The following WWOX variants were observed in gnomAD, a reference collection of about 807,000 sequenced individuals.
WWOX encodes the protein WW domain containing oxidoreductase.
In WWOX, 69 loss-of-function variants were observed where a neutral mutation model predicts 46.2. The observed-to-expected ratio is 1.49, with a 90% CI of 1.23 to 1.82. WWOX has a LOEUF of 1.82. WWOX is among the 40% of genes most tolerant of loss of function. WWOX has a pLI of 0.00. For synonymous variants in WWOX, 359 were observed against 202.6 expected (o/e 1.77, Z -6.56); for missense variants, 919 against 542.6 (o/e 1.69, Z -6.89).
chr16:79,070,383 C>G (rs1332545302), intron 8 of WWOX, among the ~76,000 whole-genome samples: 2 of 152,074 alleles, frequency 1.3e-5, no homozygotes, highest in Admixed American at 1.3e-4. Flanking sequence ...AAAGTGTCCT[C>G]CAGCAAAATG....
intron 8 of WWOX, among the ~76,000 whole-genome samples, chr16:78,581,870 C>A (rs561766972): frequency 2.4e-4 from 37 of 152,094 alleles, no homozygotes; most frequent in Non-Finnish European, 4.9e-4. Context: ...TCGGGTTTGT[C>A]ATCCTCTATT....
intron 8 of WWOX, among the ~76,000 whole-genome samples, chr16:78,789,585 T>G (rs964659961): frequency 1.3e-5 from 2 of 152,188 alleles, no homozygotes; most frequent in Non-Finnish European, 2.9e-5. Context: ...AATTGTGAAT[T>G]CTCCAACTTT....
At chr16:79,135,520 A>T (rs2042414) in intron 8 of WWOX, among the ~76,000 whole-genome samples, 1 of 152,102 alleles carries the variant, frequency 6.6e-6, no homozygotes, top group African/African-American at 2.4e-5. Flanking sequence ...TAATCTTTGC[A>T]TATTATAAGT....
At chr16:79,119,449 C>T (rs191098290) in intron 8 of WWOX, among the ~76,000 whole-genome samples, 9 of 152,292 alleles carry the variant, frequency 5.9e-5, no homozygotes, top group East Asian at 1.9e-4. Flanking sequence ...CCCTCAAAAT[C>T]GGAGTGCCAT....
At chr16:78,353,735 A>G (rs1404349613) in intron 5 of WWOX, among the ~76,000 whole-genome samples, 1 of 152,184 alleles carries the variant, frequency 6.6e-6, no homozygotes, top group East Asian at 1.9e-4. Context: ...AACTTATTGA[A>G]GTGAGCAGGC....
chr16:78,604,462 A>T (rs1312427206), intron 8 of WWOX, among the ~76,000 whole-genome samples: 1 of 152,166 alleles, frequency 6.6e-6, no homozygotes, highest in Non-Finnish European at 1.5e-5. Flanking sequence ...GAGAATTGTC[A>T]TCTGTTAAAT....
chr16:78,873,146 C>T (rs183306870), intron 8 of WWOX: 1 of 152,260 alleles, frequency 6.6e-6, no homozygotes, highest in East Asian at 1.9e-4. Context: ...CCATCTGGGT[C>T]TTGGTTCCAT....
chr16:78,934,235 G>A (rs2045686579), intron 8 of WWOX, among the ~76,000 whole-genome samples: 1 of 150,460 alleles, frequency 6.6e-6, no homozygotes, highest in Non-Finnish European at 1.5e-5. Context: ...CTACTCGGGA[G>A]GCTGAGGCAG....
intron 7 of WWOX, among the ~76,000 whole-genome samples, chr16:78,427,391 C>T (rs1029645543): frequency 1.3e-5 from 2 of 152,132 alleles, no homozygotes; most frequent in South Asian, 4.1e-4. Flanking sequence ...GAGAAGTTGA[C>T]TTCTTTGCTG....
Position 78,792,766 on chromosome 16 carries a change from G to T in WWOX, c.1056+360014G>T, listed in dbSNP as rs183368726. On this transcript the variant is annotated intron_variant, in intron 8 of 8. Transcript: ENST00000566780. ...GTTAGCCAAAGCAAAGAGTGGTTCAGGGTGGGAAAGCCAAGGAAGGCCAGG... is the reference window on the plus strand; with the variant it reads ...GTTAGCCAAAGCAAAGAGTGGTTCATGGTGGGAAAGCCAAGGAAGGCCAGG... Among the ~76,000 whole-genome samples, 443 of 152,258 alleles carry T rather than the reference G, an allele frequency of 2.9e-3. 3 individuals are homozygous for T. Among genetic ancestry groups the T allele is most frequent in the African/African-American group, 0.01 (420 of 41,558 alleles).
chr16:78,298,769 C>T (rs2151865502), intron 5 of WWOX, among the ~76,000 whole-genome samples: 2 of 142,294 alleles, frequency 1.4e-5, no homozygotes, highest in East Asian at 2.1e-4. Flanking sequence ...CCAGCCTGGG[C>T]AACAAGAGCG....
chr16:78,995,912 G>A (rs1387774210), intron 8 of WWOX, among the ~76,000 whole-genome samples: 6 of 152,122 alleles, frequency 3.9e-5, no homozygotes, highest in Admixed American at 1.3e-4. Context: ...ACGATTTTGC[G>A]TTTATACCTC....
intron 8 of WWOX, among the ~76,000 whole-genome samples, chr16:78,995,026 C>T (rs2046962251): frequency 7.4e-6 from 1 of 134,512 alleles, no homozygotes; most frequent in Non-Finnish European, 1.5e-5. Flanking sequence ...CCATTATGCA[C>T]AATGCGCTGA....
At chr16:78,980,418 T>C (rs2046658239) in intron 8 of WWOX, among the ~76,000 whole-genome samples, 1 of 152,240 alleles carries the variant, frequency 6.6e-6, no homozygotes, top group Non-Finnish European at 1.5e-5. Context: ...TAACCAAGTC[T>C]ACACGATACC....
rs886198540 is a variant in WWOX at position 78,955,543 on chromosome 16, C to T, written c.1057-256065C>T. 1.6e-3 allele frequency among the ~76,000 whole-genome samples: 239 copies of T among 152,296 alleles called. 1 individual carries two copies. The Middle Eastern group carries it at 0.017, about 11-fold the overall frequency. ...CACCAGGCTGCAGGGATAATAACTG[C>T]ACTTTTTAAAACCAGCAAATCATTC... On this transcript the variant is annotated intron_variant, in intron 8 of 8. Coordinates refer to ENST00000566780, the MANE Select transcript of WWOX (RefSeq NM_016373.4).
chr16:78,386,814 A>G (rs756351040), intron 5 of WWOX, 46 bp from the exon 6 acceptor site: 20 of 1,537,334 alleles, frequency 1.3e-5, no homozygotes, highest in Non-Finnish European at 1.6e-5. Context: ...ACCATGAACT[A>G]CACTTGCTGT....
In WWOX at chr16:78,242,699, G is replaced by A. The variant is rs562690618; in HGVS notation, c.516+78410G>A. 7.9e-4 allele frequency among the ~76,000 whole-genome samples: 121 copies of A among 152,260 alleles called. 1 individual carries two copies. The highest frequency in any genetic ancestry group is 1.1e-3 in the Non-Finnish European group (75 of 68,022). On this transcript the variant is annotated intron_variant, in intron 5 of 8. Coordinates refer to ENST00000566780, the MANE Select transcript of WWOX (RefSeq NM_016373.4). ...TAATAGGGGACAGGAGAGAGCGGAA[G>A]CAGAAAGAATAAGAGATATGAAAGC...
chr16:78,828,787 G>A (rs1303824338), intron 8 of WWOX, among the ~76,000 whole-genome samples: 1 of 152,082 alleles, frequency 6.6e-6, no homozygotes, highest in East Asian at 1.9e-4. Flanking sequence ...TATTGCAATT[G>A]CCATTTAGCC....
chr16:78,826,058 C>G (rs1597678170), intron 8 of WWOX: 1 of 421,464 alleles, frequency 2.4e-6, no homozygotes, highest in Admixed American at 3.9e-5. Context: ...TTTGTAAAGA[C>G]ATTTAATAAA....
Sources: allele counts gnomAD v4.1 joint callset (sites outside exome capture counted in the v4.1 genomes callset), GRCh38; gene constraint gnomAD v4.1.1; transcripts MANE v1.5; gene names NCBI Gene and HGNC (gene_info 2026-07-23, HGNC 2026-07-21).